Variants in ZFPM1 observed in about 807,000 individuals in gnomAD.
ZFPM1 encodes the protein zinc finger protein, FOG family member 1, also known as zinc finger protein ZFPM1.
In ZFPM1, 28 loss-of-function variants were observed where a neutral mutation model predicts 46.3. The ratio of observed to expected loss-of-function variants is 0.60; its 90% CI spans 0.45 to 0.83. The LOEUF (loss-of-function observed/expected upper bound fraction) is 0.83. Ranked by LOEUF, ZFPM1 falls within the 40% of genes least tolerant of loss-of-function variation. The pLI is 0.00. For synonymous variants in ZFPM1, 957 were observed against 675.9 expected, an observed-to-expected ratio of 1.42 and a Z score of -6.45; for missense variants, 1,878 against 1,432.4, an observed-to-expected ratio of 1.31 and a Z score of -5.02.
chr16:88,461,607 G>T (rs919206826), intron 1 of ZFPM1, among the ~76,000 whole-genome samples: 2 of 152,156 alleles, frequency 1.3e-5, no homozygotes, highest in African/African-American at 2.4e-5. Flanking sequence ...GGACACGTCT[G>T]TGAGGGACTT....
chr16:88,525,659 G>A (rs530969165), intron 4 of ZFPM1, among the ~76,000 whole-genome samples: 1 of 152,314 alleles, frequency 6.6e-6, no homozygotes, highest in East Asian at 1.9e-4. Context: ...CAGCCTTGCA[G>A]GAGGGACCGA....
intron 3 of ZFPM1, among the ~76,000 whole-genome samples, chr16:88,502,064 C>CATT (rs139067439): frequency 0.057 from 7,290 of 127,176 alleles, 380 homozygotes; most frequent in African/African-American, 0.13. Context: ...CCGCCCCCCC[C>CATT]CATTTATTTA....
chr16:88,453,769 C>T (rs1907401967), intron 1 of ZFPM1, 91 bp downstream of exon 1: 3 of 792,144 alleles, frequency 3.8e-6, no homozygotes, highest in Non-Finnish European at 4.7e-6. Flanking sequence ...CCCCGCTCTG[C>T]CCTGGGCGCC....
At chr16:88,484,361 GGTT>G (rs1423811296) in intron 1 of ZFPM1, among the ~76,000 whole-genome samples, 1 of 152,224 alleles carries the variant, frequency 6.6e-6, no homozygotes, top group Admixed American at 6.5e-5. Flanking sequence ...CTCAGGAGGT[GGTT>G]GTTCCAGCCT....
chr16:88,475,128 G>A (rs1331867071), intron 1 of ZFPM1, among the ~76,000 whole-genome samples: 1 of 152,254 alleles, frequency 6.6e-6, no homozygotes, highest in Non-Finnish European at 1.5e-5. Flanking sequence ...ATGGGGATCT[G>A]GTCAGAGGGA....
intron 4 of ZFPM1, among the ~76,000 whole-genome samples, chr16:88,526,264 A>C (rs1432777563): frequency 2.6e-5 from 4 of 152,140 alleles, no homozygotes; most frequent in African/African-American, 9.7e-5. Flanking sequence ...TCAGGAGGAC[A>C]CTGAGGCCCG....
chr16:88,526,715 G>A, intron 4 of ZFPM1, 99 bp from the exon 5 acceptor site: 9 of 1,305,616 alleles, frequency 6.9e-6, no homozygotes, highest in Non-Finnish European at 9.6e-6. Context: ...GCCAAGCCGG[G>A]AGGCAGATCC....
At chr16:88,472,957 A>T (rs755143416) in intron 1 of ZFPM1, among the ~76,000 whole-genome samples, 1 of 152,220 alleles carries the variant, frequency 6.6e-6, no homozygotes, top group Admixed American at 6.5e-5. Context: ...CTAGCGCCCC[A>T]CAAGCTTCCA....
chr16:88,532,108 G>T lies in ZFPM1; in HGVS notation c.819G>T (p.Pro273=). 6.2e-7 allele frequency: 1 copy of T among 1,612,366 alleles called. No homozygotes were observed. The change falls in exon 7 of 10, where the codon CCG becomes CCT. Residue 273 remains proline (P), a synonymous_variant. Transcript: ENST00000319555. ...YCASRQGTGS[P]AAAATDEKPK... ...CCAGCCGCCAGGGCACCGGCTCCCC[G>T]GCCGCAGCCGCCACAGACGAGAAGC... is the stretch of plus-strand genomic sequence containing the variant.
chr16:88,488,028 G>A (rs563527976), intron 2 of ZFPM1, among the ~76,000 whole-genome samples: 20 of 152,310 alleles, frequency 1.3e-4, no homozygotes, highest in East Asian at 5.8e-4. Flanking sequence ...CTTAACCCTC[G>A]CGGAGCCTCC....
chr16:88,455,757 C>G (rs1165963942), intron 1 of ZFPM1, among the ~76,000 whole-genome samples: 5 of 152,204 alleles, frequency 3.3e-5, no homozygotes, highest in Non-Finnish European at 1.5e-5. Context: ...TAGGCGCTTC[C>G]ATTTATTAAC....
chr16:88,514,274 C>T, intron 3 of ZFPM1, 113 bp from the exon 4 acceptor site: 1 of 1,490,216 alleles, frequency 6.7e-7, no homozygotes, highest in Non-Finnish European at 8.9e-7. Flanking sequence ...TGCCATTCAC[C>T]CCAGGCCCCC....
intron 1 of ZFPM1, among the ~76,000 whole-genome samples, chr16:88,468,688 C>T (rs1246917468): frequency 6.6e-6 from 1 of 152,134 alleles, no homozygotes; most frequent in Non-Finnish European, 1.5e-5. Context: ...GGCCCCGCCC[C>T]CCAGAGCCCC....
In ZFPM1 at chr16:88,484,676, G is replaced by A. The variant is rs559102592; in HGVS notation, c.41-1263G>A. Among the ~76,000 whole-genome samples, 398 of 152,248 alleles carry A rather than the reference G, an allele frequency of 2.6e-3. 1 individual carries two copies. Among genetic ancestry groups the A allele is most frequent in the South Asian group, 6.4e-3 (31 of 4,824 alleles). On this transcript the variant is annotated intron_variant, in intron 1 of 9. Transcript: ENST00000319555. ...GGTGCAGAGGGGGCAGTCGCAGCAC[G>A]CAGGCTGAGTCAGGGCCTGGGGACC...
At chr16:88,488,743 G>A (rs906084216) in intron 2 of ZFPM1, among the ~76,000 whole-genome samples, 3 of 152,204 alleles carry the variant, frequency 2.0e-5, no homozygotes, top group African/African-American at 7.2e-5. Flanking sequence ...GCATGTGCCT[G>A]CTGGCCGGGA....
At chr16:88,491,741 G>GCAGGCGCCTCAGGACCAGGCGGGA (rs1909589770) in intron 3 of ZFPM1, among the ~76,000 whole-genome samples, 1 of 152,240 alleles carries the variant, frequency 6.6e-6, no homozygotes, top group Non-Finnish European at 1.5e-5. Flanking sequence ...ACCAGGCGGT[G>GCAGGCGCCTCAGGACCAGGCGGGA]CCCTATCGGC....
At chr16:88,529,959 G>A (rs953213286) in intron 6 of ZFPM1, among the ~76,000 whole-genome samples, 10 of 152,164 alleles carry the variant, frequency 6.6e-5, no homozygotes, top group African/African-American at 2.2e-4. Context: ...CCCAGGTTGG[G>A]GGCAGGGGCT....
At chr16:88,525,703 C>T (rs778574909) in intron 4 of ZFPM1, among the ~76,000 whole-genome samples, 5 of 152,294 alleles carry the variant, frequency 3.3e-5, no homozygotes, top group South Asian at 2.1e-4. Context: ...CCCCTTCCTC[C>T]GTCACCATTT....
chr16:88,519,085 GA>G (rs1911590907), intron 4 of ZFPM1, among the ~76,000 whole-genome samples: 1 of 146,534 alleles, frequency 6.8e-6, no homozygotes, highest in Non-Finnish European at 1.5e-5. Flanking sequence ...TGGATGGATG[GA>G]TGGCTGAGAG....
Sources: gnomAD v4.1 joint callset for allele counts (sites outside exome capture counted in the v4.1 genomes callset) on GRCh38, gnomAD v4.1.1 for gene constraint, MANE v1.5 for transcripts, NCBI Gene and HGNC (gene_info 2026-07-23, HGNC 2026-07-21) for gene names.